Variants in CPA6 observed in about 807,000 individuals in gnomAD.
CPA6 encodes carboxypeptidase B.
A neutral mutation model predicts 63.3 loss-of-function variants in CPA6; 58 were observed. That is an observed-to-expected ratio of 0.92 (90% CI 0.74 to 1.14). The LOEUF (loss-of-function observed/expected upper bound fraction) is 1.14, where lower values mean the gene tolerates loss of function less well. CPA6 is among the 50% of genes most tolerant of loss of function. CPA6 has a pLI of 0.00. For synonymous variants in CPA6, 185 were observed against 179.0 expected (o/e 1.03, Z -0.27); for missense variants, 565 against 526.6 (o/e 1.07, Z -0.71).
intron 2 of CPA6, among the ~76,000 whole-genome samples, chr8:67,565,207 CTGT>C (rs1813309145): frequency 6.7e-6 from 1 of 150,342 alleles, no homozygotes; most frequent in African/African-American, 2.5e-5. Context: ...GGATCTTGCT[CTGT>C]TGTTAGGTAT....
intron 1 of CPA6, among the ~76,000 whole-genome samples, chr8:67,630,331 A>C (rs1328726034): frequency 6.6e-6 from 1 of 151,992 alleles, no homozygotes; most frequent in African/African-American, 2.4e-5. Context: ...TGATGAACCT[A>C]ACAGGTGCAG....
chr8:67,467,739 A>G (rs867449585), intron 8 of CPA6, among the ~76,000 whole-genome samples: 2 of 152,188 alleles, frequency 1.3e-5, no homozygotes, highest in South Asian at 4.1e-4. Context: ...ACGGCGGCTT[A>G]TGCCTGTAAT....
At position 67,688,814 on chromosome 8, in the gene CPA6, G is replaced by A. The variant is rs868273877; in HGVS notation, c.116+57200C>T. ...CCTTATCCCTAGAAGCAGCTCTTAT[G>A]ATCCTGGGAGTATGCTGCACATTGA... is the stretch of plus-strand genomic sequence containing the variant. On this transcript the variant is annotated intron_variant, in intron 1 of 10. Coordinates refer to ENST00000297770, the MANE Select transcript of CPA6 (RefSeq NM_020361.5). Among the ~76,000 whole-genome samples the A allele has an allele frequency of 2.6e-5, 4 of 151,898 alleles. No homozygotes were observed. In the South Asian group the frequency reaches 8.3e-4, roughly 32 times the overall value.
At chr8:67,638,271 G>A (rs988132446) in intron 1 of CPA6, among the ~76,000 whole-genome samples, 7 of 151,248 alleles carry the variant, frequency 4.6e-5, no homozygotes, top group Admixed American at 3.9e-4. Context: ...CTTGTGACAG[G>A]AGAAAGGAGG....
chr8:67,677,342 C>CTTTTTTTT (rs35049117), intron 1 of CPA6, among the ~76,000 whole-genome samples: 9 of 128,368 alleles, frequency 7.0e-5, no homozygotes, highest in Non-Finnish European at 1.1e-4. Flanking sequence ...AAAACACCTT[C>CTTTTTTTT]TTTTTTTTTT....
intron 3 of CPA6, among the ~76,000 whole-genome samples, chr8:67,516,314 C>G (rs541180212): frequency 6.6e-6 from 1 of 152,308 alleles, no homozygotes; most frequent in Non-Finnish European, 1.5e-5. Context: ...GTAGATCCAC[C>G]ACATTTATCT....
Position 67,621,527 on chromosome 8 carries a change from A to G in CPA6, c.192+2649T>C, listed in dbSNP as rs537564233. ...GGTCCTAGAGGGCTTGACACCGACTAGATCCATGTTCCAATCCCATACTGT... is the reference window on the plus strand; with the variant it reads ...GGTCCTAGAGGGCTTGACACCGACTGGATCCATGTTCCAATCCCATACTGT... On this transcript the variant is annotated intron_variant, in intron 2 of 10. Coordinates refer to ENST00000297770, the MANE Select transcript of CPA6 (RefSeq NM_020361.5). Among the ~76,000 whole-genome samples the G allele has an allele frequency of 2.9e-3, 445 of 152,368 alleles. 2 individuals carry two copies. The highest frequency in any genetic ancestry group is 5.2e-3 in the Non-Finnish European group (355 of 68,040).
At chr8:67,652,586 G>A (rs1169567944) in intron 1 of CPA6, among the ~76,000 whole-genome samples, 5 of 150,926 alleles carry the variant, frequency 3.3e-5, no homozygotes, top group Non-Finnish European at 7.4e-5. Flanking sequence ...TTTTTGATGG[G>A]GTTGTTTTTT....
At chr8:67,663,141 G>A (rs569483088) in intron 1 of CPA6, among the ~76,000 whole-genome samples, 1 of 152,254 alleles carries the variant, frequency 6.6e-6, no homozygotes, top group East Asian at 1.9e-4. Context: ...CTAAATGTAT[G>A]CACTGCATTA....
At chr8:67,650,462 T>C (rs573526104) in intron 1 of CPA6, among the ~76,000 whole-genome samples, 8 of 152,174 alleles carry the variant, frequency 5.3e-5, no homozygotes, top group African/African-American at 1.9e-4. Flanking sequence ...AGGCCTCACA[T>C]CCATACACCC....
At chr8:67,671,607 G>A (rs79309478) in intron 1 of CPA6, among the ~76,000 whole-genome samples, 9 of 152,114 alleles carry the variant, frequency 5.9e-5, no homozygotes, top group South Asian at 2.1e-4. Context: ...TGCTTTCCTC[G>A]AATCTGAAAC....
intron 1 of CPA6, among the ~76,000 whole-genome samples, chr8:67,699,589 CTT>C (rs532916921): frequency 1.4e-5 from 2 of 146,626 alleles, no homozygotes; most frequent in African/African-American, 4.9e-5. Flanking sequence ...GTTTTTTCTT[CTT>C]TTTTTTTTTT....
intron 1 of CPA6, among the ~76,000 whole-genome samples, chr8:67,742,222 A>G (rs1331426166): frequency 6.6e-6 from 1 of 151,986 alleles, no homozygotes; most frequent in African/African-American, 2.4e-5. Flanking sequence ...CTTTTCTAAT[A>G]ATGATTCATT....
At chr8:67,453,254 C>T (rs138204255) in intron 8 of CPA6, among the ~76,000 whole-genome samples, 3 of 151,978 alleles carry the variant, frequency 2.0e-5, no homozygotes, top group Non-Finnish European at 4.4e-5. Context: ...GAATCTGGAG[C>T]GATTCTTAAG....
At chr8:67,650,193 C>A (rs1302450924) in intron 1 of CPA6, among the ~76,000 whole-genome samples, 1 of 152,134 alleles carries the variant, frequency 6.6e-6, no homozygotes, top group Middle Eastern at 3.4e-3. Flanking sequence ...AGTTCTGGAA[C>A]AATTTCTTCA....
intron 1 of CPA6, among the ~76,000 whole-genome samples, chr8:67,742,301 C>T (rs1218942756): frequency 1.3e-5 from 2 of 152,154 alleles, no homozygotes; most frequent in African/African-American, 4.8e-5. Flanking sequence ...TATATAATCT[C>T]TTTTCCTTTA....
At chr8:67,716,568 C>A (rs555842179) in intron 1 of CPA6, among the ~76,000 whole-genome samples, 5 of 152,140 alleles carry the variant, frequency 3.3e-5, no homozygotes, top group Non-Finnish European at 7.3e-5. Flanking sequence ...GCAGAGGAAG[C>A]AATCAGATAT....
chr8:67,588,013 T>C (rs1813993965), intron 2 of CPA6, among the ~76,000 whole-genome samples: 1 of 152,158 alleles, frequency 6.6e-6, no homozygotes, highest in African/African-American at 2.4e-5. Flanking sequence ...ACAGGTGTGC[T>C]TGAGGTAAAA....
chr8:67,618,692 T>C (rs1036570254), intron 2 of CPA6, among the ~76,000 whole-genome samples: 2 of 152,196 alleles, frequency 1.3e-5, no homozygotes, highest in Non-Finnish European at 2.9e-5. Context: ...GATGAGGAAA[T>C]TGGAAACAGA....
Sources: allele counts gnomAD v4.1 joint callset (sites outside exome capture counted in the v4.1 genomes callset), GRCh38; gene constraint gnomAD v4.1.1; transcripts MANE v1.5; gene names NCBI Gene and HGNC (gene_info 2026-07-23, HGNC 2026-07-21).